The following TIPIN variants were observed in gnomAD, a reference collection of about 807,000 sequenced individuals.
The protein encoded by TIPIN is TIMELESS interacting protein.
Under a neutral mutation model 35.6 loss-of-function variants are expected in TIPIN, and 29 were observed. The ratio of observed to expected loss-of-function variants is 0.82; its 90% confidence interval spans 0.61 to 1.11. TIPIN has a LOEUF of 1.11. Ranked by LOEUF, TIPIN falls within the 50% of genes most tolerant of loss-of-function variation. The probability of loss-of-function intolerance (pLI) is 0.00; values close to 1 mark genes in which losing one functional copy is unlikely to be tolerated. For synonymous variants in TIPIN, 102 were observed against 121.5 expected (o/e 0.84, Z 1.06); for missense variants, 296 against 345.4 (o/e 0.86, Z 1.13).
intron 1 of TIPIN, 146 bp downstream of exon 1, chr15:66,356,493 A>T: frequency 2.6e-5 from 13 of 505,638 alleles, no homozygotes; most frequent in Non-Finnish European, 3.1e-5. Context: ...GGTCAGGTCG[A>T]CCCCCCAACC....
rs1264143143 is a variant in TIPIN, at chr15:66,349,141, T to C, written c.412-18A>G. On this transcript the variant is annotated intron_variant, in intron 5 of 7. Coordinates refer to ENST00000261881, the MANE Select transcript of TIPIN (RefSeq NM_017858.3). Reference sequence around the variant, plus strand: ...AAACAGGTCTGAAAATGAAAAGAGATTATTTATTTTTACCTCTTTACCAAT... The same window carrying C: ...AAACAGGTCTGAAAATGAAAAGAGACTATTTATTTTTACCTCTTTACCAAT... 3 of 1,607,784 alleles carry C rather than the reference T, an allele frequency of 1.9e-6. No individual in the cohort carries two copies. The Admixed American group carries it at 5.0e-5, about 27-fold the overall frequency.
At chr15:66,353,344 G>A (rs753920058) in intron 1 of TIPIN, among the ~76,000 whole-genome samples, 12 of 152,002 alleles carry the variant, frequency 7.9e-5, no homozygotes, top group Non-Finnish European at 1.5e-4. Context: ...TGGGCTGGGC[G>A]CGGTGGCTCA....
At position 66,349,385 on chromosome 15, in the gene TIPIN, A is replaced by G; in HGVS notation, c.341T>C (p.Leu114Pro). Residue 114 changes from leucine to proline, a missense_variant, in exon 5 of 8, where the codon CTA (leucine) becomes CCA (proline). Physicochemically the swap from Leu to Pro is moderately conservative, Grantham distance 98. Coordinates refer to ENST00000261881, the MANE Select transcript of TIPIN (RefSeq NM_017858.3). ...ATCCTCAAACTGCAGTTTAGGGAATAGCCTATGTGCCCAGTGCTCCATGTG... is the reference window on the plus strand; with the variant it reads ...ATCCTCAAACTGCAGTTTAGGGAATGGCCTATGTGCCCAGTGCTCCATGTG... ...IRHMEHWAHR[L>P]FPKLQFEDFI... 6.2e-7 allele frequency: 1 copy of G among 1,614,130 alleles called. No individual in the cohort carries two copies. The highest frequency in any genetic ancestry group is 8.5e-7 in the Non-Finnish European group (1 of 1,180,014).
intron 1 of TIPIN, chr15:66,382,365 T>C (rs947529996): frequency 7.6e-5 from 75 of 985,228 alleles, no homozygotes; most frequent in Non-Finnish European, 8.8e-5. Flanking sequence ...CTGAGTTAAA[T>C]GTACTCCTCA....
chr15:66,347,448 G>C, intron 6 of TIPIN: 1 of 351,284 alleles, frequency 2.8e-6, no homozygotes, highest in Non-Finnish European at 5.8e-6. Context: ...TTATCCAATG[G>C]TGTATATGTA....
intron 2 of TIPIN, 98 bp downstream of exon 2, chr15:66,352,717 G>C (rs2093176359): frequency 2.0e-5 from 27 of 1,327,088 alleles, no homozygotes; most frequent in Non-Finnish European, 2.7e-5. Context: ...TCCTGACCTT[G>C]TGATCCGCCC....
At chr15:66,363,993 A>C (rs999388339) in intron 1 of TIPIN, among the ~76,000 whole-genome samples, 4 of 151,668 alleles carry the variant, frequency 2.6e-5, no homozygotes, top group African/African-American at 7.3e-5. Flanking sequence ...AAAAAAAAAC[A>C]AAAAACAAAA....
intron 1 of TIPIN, among the ~76,000 whole-genome samples, chr15:66,362,461 C>G (rs561452975): frequency 1.3e-5 from 2 of 152,282 alleles, no homozygotes; most frequent in South Asian, 4.2e-4. Context: ...GGTTTCACGC[C>G]TGTAATCACA....
chr15:66,377,845 T>C (rs1301727679), intron 1 of TIPIN, among the ~76,000 whole-genome samples: 1 of 151,954 alleles, frequency 6.6e-6, no homozygotes, highest in Non-Finnish European at 1.5e-5. Context: ...CCCGACTAAT[T>C]TTTTCTTTTT....
intron 1 of TIPIN, among the ~76,000 whole-genome samples, chr15:66,378,296 C>T (rs1391421869): frequency 6.6e-6 from 1 of 152,094 alleles, no homozygotes; most frequent in African/African-American, 2.4e-5. Context: ...CCACCGCACC[C>T]GGCCAAATTT....
intron 1 of TIPIN, among the ~76,000 whole-genome samples, chr15:66,369,578 C>G (rs893114899): frequency 4.6e-5 from 7 of 152,020 alleles, no homozygotes; most frequent in Admixed American, 2.0e-4. Flanking sequence ...TCGATCTCCA[C>G]ATCTCGTGAT....
chr15:66,375,724 C>A (rs540586561), intron 1 of TIPIN, among the ~76,000 whole-genome samples: 1 of 150,392 alleles, frequency 6.6e-6, no homozygotes, highest in African/African-American at 2.4e-5. Flanking sequence ...TGCCTCCAGG[C>A]TTCTCAGAGT....
At chr15:66,375,395 G>A (rs1393465522) in intron 1 of TIPIN, among the ~76,000 whole-genome samples, 1 of 150,824 alleles carries the variant, frequency 6.6e-6, no homozygotes, top group Non-Finnish European at 1.5e-5. Flanking sequence ...GGTGGGTCTT[G>A]AACTCCTGAG....
At chr15:66,372,542 T>A (rs75277350) in intron 1 of TIPIN, among the ~76,000 whole-genome samples, 2,121 of 152,322 alleles carry the variant, frequency 0.014, 27 homozygotes, top group South Asian at 0.041. Flanking sequence ...GGTGAACATA[T>A]ATAGCCACAC....
At chr15:66,377,557 G>A (rs2093301729) in intron 1 of TIPIN, among the ~76,000 whole-genome samples, 1 of 152,062 alleles carries the variant, frequency 6.6e-6, no homozygotes, top group South Asian at 2.1e-4. Context: ...TAGAGATGGG[G>A]TTTCACCATA....
intron 6 of TIPIN, among the ~76,000 whole-genome samples, chr15:66,346,037 T>G (rs1276863908): frequency 1.3e-5 from 2 of 151,856 alleles, no homozygotes; most frequent in Non-Finnish European, 2.9e-5. Context: ...ACCTCCGCCT[T>G]CCGGGTTCAA....
chr15:66,351,698 C>T lies in TIPIN; in HGVS notation c.213-98G>A, dbSNP rs975131244. Reference sequence around the variant, plus strand: ...TGTCGCCCAGGCTGGGATGCGGTGGCGCGATCTCGGGTCACTGCAAGCTCG... The same window carrying T: ...TGTCGCCCAGGCTGGGATGCGGTGGTGCGATCTCGGGTCACTGCAAGCTCG... On this transcript the variant is annotated intron_variant, in intron 3 of 7. Transcript: ENST00000261881. The T allele has an allele frequency of 4.6e-5, 46 of 999,968 alleles. 1 individual carries two copies. The highest frequency in any genetic ancestry group is 7.5e-5 in the Admixed American group (3 of 39,822). 61.9% of individuals were successfully genotyped at this position (999,968 alleles called of 1,614,324 possible).
chr15:66,349,500 A>G, intron 4 of TIPIN, 63 bp from the exon 5 acceptor site: 1 of 1,556,880 alleles, frequency 6.4e-7, no homozygotes, highest in African/African-American at 1.4e-5. Flanking sequence ...CCCGTCAGCA[A>G]CTTTCAGAAC....
intron 1 of TIPIN, among the ~76,000 whole-genome samples, chr15:66,361,810 C>A (rs1346132345): frequency 6.6e-6 from 1 of 151,456 alleles, no homozygotes; most frequent in Non-Finnish European, 1.5e-5. Context: ...GAGTTTGAGA[C>A]CAGCCTGACC....
Sources: allele counts gnomAD v4.1 joint callset (sites outside exome capture counted in the v4.1 genomes callset), GRCh38; gene constraint gnomAD v4.1.1; transcripts MANE v1.5; gene names NCBI Gene and HGNC (gene_info 2026-07-23, HGNC 2026-07-21).